The following CCDC7 variants were observed in gnomAD, a reference collection of about 807,000 sequenced individuals.
CCDC7 encodes coiled-coil domain containing 7, also known as coiled-coil domain-containing protein 7.
Under a neutral mutation model 196.9 loss-of-function variants are expected in CCDC7, and 183 were observed. The ratio of observed to expected loss-of-function variants is 0.93; its 90% confidence interval spans 0.82 to 1.05. The LOEUF (loss-of-function observed/expected upper bound fraction) is 1.05. Among genes scored for constraint, CCDC7 ranks in the 50% least tolerant of loss-of-function variants. CCDC7 has a pLI of 0.00. For missense variants in CCDC7, 1,540 were observed against 1,482.2 expected (o/e 1.04, Z -0.64); for synonymous variants, 525 against 484.6 (o/e 1.08, Z -1.10).
chr10:32,609,085 G>T (rs2061827212), intron 18 of CCDC7, among the ~76,000 whole-genome samples: 1 of 152,176 alleles, frequency 6.6e-6, no homozygotes, highest in Non-Finnish European at 1.5e-5. Flanking sequence ...TGCATATTCT[G>T]TAGCTGTTGG....
chr10:32,599,997 C>T (rs1378825149), intron 18 of CCDC7, among the ~76,000 whole-genome samples: 1 of 151,920 alleles, frequency 6.6e-6, no homozygotes, highest in Non-Finnish European at 1.5e-5. Flanking sequence ...TTTTCTGTTC[C>T]ATTGGTCTAT....
chr10:32,671,472 G>A (rs1268994735), intron 21 of CCDC7, among the ~76,000 whole-genome samples: 1 of 152,058 alleles, frequency 6.6e-6, no homozygotes, highest in Non-Finnish European at 1.5e-5. Context: ...CTAATGACAC[G>A]TTTCAAGACA....
chr10:32,757,400 G>C (rs1293424564), intron 28 of CCDC7, among the ~76,000 whole-genome samples: 9 of 152,140 alleles, frequency 5.9e-5, no homozygotes, highest in Non-Finnish European at 2.9e-5. Context: ...ATAACAAACT[G>C]TCTCTCAGAC....
rs1370274580 is a variant in CCDC7, at chr10:32,670,391, T to TA, written c.2122+6233dup. 9.2e-5 allele frequency among the ~76,000 whole-genome samples: 14 copies of TA among 151,500 alleles called. No individual in the cohort carries two copies. In the South Asian group the frequency reaches 1.9e-3, roughly 20 times the overall value. ...ACTTTTATTTACTTTCTTTTTTTTT[T>TA]AAATTTATTATTATTATACTTTAAG... is the stretch of plus-strand genomic sequence containing the variant. On this transcript the variant is annotated intron_variant, in intron 21 of 41. Transcript: ENST00000639629.
intron 13 of CCDC7, among the ~76,000 whole-genome samples, chr10:32,547,967 C>T (rs1280626893): frequency 6.6e-6 from 1 of 152,140 alleles, no homozygotes; most frequent in Non-Finnish European, 1.5e-5. Flanking sequence ...CTCAAGTCCC[C>T]AAAGTCTATT....
At chr10:32,827,379 TG>T (rs1012497233) in intron 32 of CCDC7, among the ~76,000 whole-genome samples, 1 of 152,170 alleles carries the variant, frequency 6.6e-6, no homozygotes, top group Non-Finnish European at 1.5e-5. Flanking sequence ...TTTTCCATCA[TG>T]GGAAGGGCAG....
chr10:32,661,446 A>G (rs1239642663), intron 20 of CCDC7, among the ~76,000 whole-genome samples: 1 of 152,002 alleles, frequency 6.6e-6, no homozygotes, highest in African/African-American at 2.4e-5. Context: ...AAGCAGAGGG[A>G]GTTTCTTACC....
chr10:32,821,012 C>A (rs2090064006), intron 31 of CCDC7, among the ~76,000 whole-genome samples: 1 of 152,108 alleles, frequency 6.6e-6, no homozygotes, highest in South Asian at 2.1e-4. Context: ...AGGAAACTAC[C>A]ATCAGAGTGA....
chr10:32,685,925 A>T, intron 21 of CCDC7, 45 bp from the exon 23 acceptor site: 1 of 1,048,558 alleles, frequency 9.5e-7, no homozygotes, highest in Non-Finnish European at 1.4e-6. Flanking sequence ...TTCACAAAAG[A>T]TCCATTTTTC....
At chr10:32,488,388 C>A (rs918102834) in intron 8 of CCDC7, among the ~76,000 whole-genome samples, 4 of 152,218 alleles carry the variant, frequency 2.6e-5, no homozygotes, top group African/African-American at 4.8e-5. Context: ...TCTGTCACCC[C>A]TTTCTTTGAC....
chr10:32,649,050 A>C (rs1304476376), intron 20 of CCDC7, among the ~76,000 whole-genome samples: 1 of 152,230 alleles, frequency 6.6e-6, no homozygotes, highest in African/African-American at 2.4e-5. Context: ...CAGAAAACTA[A>C]TGCAGGAACA....
At chr10:32,514,660 TAAAG>T (rs1055120353) in intron 9 of CCDC7, 1 of 152,078 alleles carries the variant, frequency 6.6e-6, no homozygotes. Flanking sequence ...AAAAGTGAAA[TAAAG>T]AAAACAATTC....
intron 20 of CCDC7, among the ~76,000 whole-genome samples, chr10:32,645,503 C>CTTTTTT (rs35170235): frequency 5.8e-4 from 38 of 65,138 alleles, no homozygotes; most frequent in African/African-American, 8.5e-4. Context: ...GAGTCCATGT[C>CTTTTTT]TTTTTTTTTT....
chr10:32,736,308 T>G (rs1437793789), intron 28 of CCDC7, among the ~76,000 whole-genome samples: 2 of 137,486 alleles, frequency 1.5e-5, no homozygotes, highest in East Asian at 3.8e-4. Flanking sequence ...ATTGCTCCAT[T>G]TAGATCTTAG....
At chr10:32,692,109 T>G (rs761556451) in intron 23 of CCDC7, among the ~76,000 whole-genome samples, 8 of 152,218 alleles carry the variant, frequency 5.3e-5, no homozygotes, top group Admixed American at 1.3e-4. Flanking sequence ...TCATCAGGAC[T>G]CTGCATTGTT....
At chr10:32,678,154 T>TTTTAGTTCACTGAGCTTG (rs1565102257) in intron 21 of CCDC7, among the ~76,000 whole-genome samples, 1 of 152,150 alleles carries the variant, frequency 6.6e-6, no homozygotes, top group Non-Finnish European at 1.5e-5. Flanking sequence ...CTGTATTCTA[T>TTTTAGTTCACTGAGCTTG]TTTAGTTCAC....
At chr10:32,666,124 T>C (rs896180121) in intron 21 of CCDC7, among the ~76,000 whole-genome samples, 14 of 149,204 alleles carry the variant, frequency 9.4e-5, no homozygotes, top group Admixed American at 2.7e-4. Context: ...CTTTTTCTTT[T>C]TTTTTTTTTT....
At chr10:32,529,588 C>T (rs889747662) in intron 11 of CCDC7, among the ~76,000 whole-genome samples, 1 of 152,094 alleles carries the variant, frequency 6.6e-6, no homozygotes, top group African/African-American at 2.4e-5. Context: ...ATTGTCTATT[C>T]ATGTCCTTAG....
chr10:32,809,450 G>T (rs2086589708), intron 30 of CCDC7, among the ~76,000 whole-genome samples: 1 of 151,982 alleles, frequency 6.6e-6, no homozygotes, highest in African/African-American at 2.4e-5. Context: ...AATACATTCA[G>T]TGGGAGAAAA....
Sources: gnomAD v4.1 joint callset for allele counts (sites outside exome capture counted in the v4.1 genomes callset) on GRCh38, gnomAD v4.1.1 for gene constraint, MANE v1.5 for transcripts, NCBI Gene and HGNC (gene_info 2026-07-23, HGNC 2026-07-21) for gene names.